Variants in RBM26 observed in about 807,000 individuals in gnomAD.
The protein encoded by RBM26 is RNA binding motif protein 26.
In RBM26, 30 loss-of-function variants were observed where a neutral mutation model predicts 123.6. That is an observed-to-expected ratio of 0.24 (90% CI 0.18 to 0.33). The LOEUF is 0.33. Among genes scored for constraint, RBM26 ranks in the 10% least tolerant of loss-of-function variants. The pLI, the probability that RBM26 is intolerant of heterozygous loss-of-function variation, is 1.00. For missense variants in RBM26, 947 were observed against 1,203.6 expected, an observed-to-expected ratio of 0.79 and a Z score of 3.15; for synonymous variants, 400 against 404.4, an observed-to-expected ratio of 0.99 and a Z score of 0.13.
intron 3 of RBM26, among the ~76,000 whole-genome samples, chr13:79,372,637 G>A (rs1273052709): frequency 6.8e-6 from 1 of 147,670 alleles, no homozygotes; most frequent in Non-Finnish European, 1.5e-5. Flanking sequence ...AGGAATATAG[G>A]AGAATACATT....
intron 13 of RBM26, among the ~76,000 whole-genome samples, chr13:79,353,519 T>C (rs1594233273): frequency 6.6e-6 from 1 of 152,300 alleles, no homozygotes; most frequent in African/African-American, 2.4e-5. Flanking sequence ...ATCTCAAATT[T>C]TAAAAATTAA....
intron 14 of RBM26, among the ~76,000 whole-genome samples, chr13:79,348,035 T>C (rs1594173519): frequency 6.6e-6 from 1 of 152,100 alleles, no homozygotes; most frequent in East Asian, 1.9e-4. Flanking sequence ...TAGAGTTTTT[T>C]CCTCCCTCAT....
chr13:79,395,761 C>CA (rs904086219), intron 1 of RBM26, among the ~76,000 whole-genome samples: 1 of 151,022 alleles, frequency 6.6e-6, no homozygotes, highest in Admixed American at 6.6e-5. Context: ...AACAAACAAA[C>CA]AAAAAAATGG....
In RBM26 at chr13:79,353,198, G is replaced by T; in HGVS notation, c.2013C>A (p.Asp671Glu). 6.3e-7 allele frequency: 1 copy of T among 1,587,240 alleles called. No homozygotes were observed. Among genetic ancestry groups the T allele is most frequent in the Non-Finnish European group, 8.6e-7 (1 of 1,164,888 alleles). The change falls in exon 14 of 22, where the codon GAC (aspartate) becomes GAA (glutamate). Residue 671 changes from aspartate (D) to glutamate (E), a missense_variant. Transcript: ENST00000438737. ...ATGGCTTTGATACAAAACCCAACCT[G>T]TCCTTCACAGATAACTTAGTTACAT... ...PQNVTKLSVK[D>E]RLGFVSKPSV...
At chr13:79,347,595 A>C (rs539464959) in intron 14 of RBM26, among the ~76,000 whole-genome samples, 1 of 152,324 alleles carries the variant, frequency 6.6e-6, no homozygotes, top group East Asian at 1.9e-4. Flanking sequence ...ACATTTCTAT[A>C]TTCCAAATGC....
chr13:79,316,402 T>C (rs2067158640), downstream of RBM26, among the ~76,000 whole-genome samples: 1 of 10,206 alleles, frequency 9.8e-5, no homozygotes, highest in African/African-American at 2.0e-4. Context: ...GTTGCTTCCT[T>C]TTTGAACCCT....
At chr13:79,375,401 C>G (rs1015093656) in intron 3 of RBM26, among the ~76,000 whole-genome samples, 2 of 151,702 alleles carry the variant, frequency 1.3e-5, no homozygotes, top group Non-Finnish European at 2.9e-5. Flanking sequence ...GAACTCCTGA[C>G]CTAAGGTGAT....
chr13:79,365,563 GATTA>G lies in RBM26; in HGVS notation c.1417+11_1417+14del, dbSNP rs747741895. 6.2e-7 allele frequency: 1 copy of G among 1,600,940 alleles called. No homozygotes were observed. On this transcript the variant is annotated intron_variant, in intron 9 of 21. Coordinates refer to ENST00000438737, the MANE Select transcript of RBM26 (RefSeq NM_001366735.2). The stretch of plus-strand genomic sequence containing the variant: ...TATTATGAAAATGACAGGAAGGAAA[GATTA>G]ATTATAGTACCTCTGGGTGGCAAAT...
chr13:79,368,146 T>A (rs921647493), intron 6 of RBM26, among the ~76,000 whole-genome samples: 23 of 151,920 alleles, frequency 1.5e-4, no homozygotes, highest in Admixed American at 2.6e-4. Context: ...TGCCTCAGCC[T>A]CCCGAGTAGC....
chr13:79,400,605 GA>G (rs894370038), intron 1 of RBM26, among the ~76,000 whole-genome samples: 13 of 151,978 alleles, frequency 8.6e-5, no homozygotes, highest in South Asian at 8.3e-4. Flanking sequence ...AATGGATGAA[GA>G]AAAAAATGTC....
chr13:79,380,454 T>C (rs1306662594), intron 1 of RBM26, among the ~76,000 whole-genome samples: 1 of 151,254 alleles, frequency 6.6e-6, no homozygotes, highest in Admixed American at 6.6e-5. Context: ...GATGATAGTA[T>C]GAACTAAGTA....
intron 18 of RBM26, 67 bp downstream of exon 18, chr13:79,341,056 T>G: frequency 4.7e-6 from 4 of 854,652 alleles, no homozygotes; most frequent in Non-Finnish European, 7.5e-6. Flanking sequence ...GGAATATATT[T>G]TTAAATTGAC....
intron 3 of RBM26, among the ~76,000 whole-genome samples, chr13:79,375,096 T>TTATATATCATATATATATTTA (rs1555332782): frequency 4.2e-5 from 4 of 95,294 alleles, no homozygotes; most frequent in Non-Finnish European, 8.4e-5. Flanking sequence ...AAATATATAT[T>TTATATATCATATATATATTTA]TATATATATC....
intron 1 of RBM26, among the ~76,000 whole-genome samples, chr13:79,389,135 T>C (rs1034149064): frequency 3.9e-5 from 6 of 152,180 alleles, no homozygotes; most frequent in African/African-American, 1.4e-4. Context: ...AACTCAAAAG[T>C]AGGCTAGAAT....
chr13:79,387,953 C>T (rs1282827125), intron 1 of RBM26, among the ~76,000 whole-genome samples: 2 of 152,212 alleles, frequency 1.3e-5, no homozygotes, highest in East Asian at 3.8e-4. Flanking sequence ...ATTGGTATTA[C>T]AGATAACTAT....
chr13:79,342,847 A>G lies in RBM26; in HGVS notation c.2260-16T>C. Reference sequence around the variant, plus strand: ...AAATTAACATCTGCCAAATTTTTAAAAAGAGAAAAATAAAGCTAATTACTC... The same window carrying G: ...AAATTAACATCTGCCAAATTTTTAAGAAGAGAAAAATAAAGCTAATTACTC... On this transcript the variant is annotated splice_polypyrimidine_tract_variant and intron_variant, in intron 16 of 21. Transcript: ENST00000438737. 6.6e-7 allele frequency: 1 copy of G among 1,519,130 alleles called. No individual in the cohort carries two copies. The highest frequency in any genetic ancestry group is 9.0e-7 in the Non-Finnish European group (1 of 1,112,514). The allele number at this position is 1,519,130 out of a possible 1,614,324, so 94.1% of individuals were successfully genotyped here.
In RBM26 at chr13:79,354,578, CA is replaced by C; in HGVS notation, c.1855-9del. The C allele has an allele frequency of 6.4e-7, 1 of 1,564,896 alleles. No individual in the cohort carries two copies. Among genetic ancestry groups the C allele is most frequent in the Non-Finnish European group, 8.7e-7 (1 of 1,152,166 alleles). On this transcript the variant is annotated splice_polypyrimidine_tract_variant and intron_variant, in intron 12 of 21. Coordinates refer to ENST00000438737, the MANE Select transcript of RBM26 (RefSeq NM_001366735.2). ...GACTAAAGGCTGCATTACCTCAGAA[CA>C]AGGAAAAAATGTTAAACAAGTTGAT...
chr13:79,365,180 A>G (rs1050893230), intron 9 of RBM26, among the ~76,000 whole-genome samples: 4 of 152,106 alleles, frequency 2.6e-5, no homozygotes, highest in African/African-American at 9.7e-5. Flanking sequence ...CGGGGGCTCA[A>G]GCCTATAATC....
chr13:79,379,995 C>T (rs1206563077), intron 1 of RBM26, among the ~76,000 whole-genome samples: 2 of 152,102 alleles, frequency 1.3e-5, no homozygotes, highest in Non-Finnish European at 2.9e-5. Context: ...ATTCTGGTGG[C>T]AAGACTAATG....
Sources: allele counts gnomAD v4.1 joint callset (sites outside exome capture counted in the v4.1 genomes callset), GRCh38; gene constraint gnomAD v4.1.1; transcripts MANE v1.5; gene names NCBI Gene and HGNC (gene_info 2026-07-23, HGNC 2026-07-21).